Variants in ADGRB1 observed in about 807,000 individuals in gnomAD.
ADGRB1 encodes adhesion G protein-coupled receptor B1, also known as brain-specific angiogenesis inhibitor 1.
Under a neutral mutation model 175.7 loss-of-function variants are expected in ADGRB1, and 36 were observed. The observed-to-expected ratio is 0.20, with a 90% CI of 0.16 to 0.27. The LOEUF (loss-of-function observed/expected upper bound fraction) is 0.27. ADGRB1 is among the 10% of genes least tolerant of loss of function. ADGRB1 has a pLI of 1.00. For missense variants in ADGRB1, 1,731 were observed against 2,255.3 expected, an observed-to-expected ratio of 0.77 and a Z score of 4.71; for synonymous variants, 1,054 against 979.4, an observed-to-expected ratio of 1.08 and a Z score of -1.42.
intron 18 of ADGRB1, among the ~76,000 whole-genome samples, chr8:142,515,273 C>T (rs1178461858): frequency 6.6e-6 from 1 of 152,222 alleles, no homozygotes; most frequent in Admixed American, 6.5e-5. Context: ...GGCAGGGGCC[C>T]GGCCTGGCTC....
rs1336142153 is a variant in ADGRB1, at chr8:142,490,814, G to A, written c.2674G>A (p.Val892Ile). 6.3e-7 allele frequency: 1 copy of A among 1,582,308 alleles called. No individual in the cohort carries two copies. The highest frequency in any genetic ancestry group is 8.6e-7 in the Non-Finnish European group (1 of 1,163,846). Residue 892 changes from valine (V) to isoleucine (I), a missense_variant and splice_region_variant, in exon 17 of 31, where the codon GTA (valine) becomes ATA (isoleucine). Transcript: ENST00000517894. The stretch of plus-strand genomic sequence containing the variant: ...CTGTATCCTGTGGGATGAGACGGAT[G>A]TGTAAGTTCACTTGGATTTCATGGC... ...QTCILWDETD[V>I]PSSSAPPQLG... is the part of the protein sequence containing the mutation.
In ADGRB1 at chr8:142,537,149, GC is replaced by G; in HGVS notation, c.3666+70del. On this transcript the variant is annotated intron_variant, in intron 26 of 30. Transcript: ENST00000517894. The surrounding 1 kb of genome is among the most constrained non-coding windows in gnomAD (Gnocchi z 4.6). The stretch of plus-strand genomic sequence containing the variant: ...TCGTACCCCCGCCAAGTGCCTCCAG[GC>G]CCTCACCGTGCCCCAAGCTCCCCTA... The G allele has an allele frequency of 7.9e-7, 1 of 1,263,236 alleles. No homozygotes were observed. Among genetic ancestry groups the G allele is most frequent in the Non-Finnish European group, 1.0e-6 (1 of 959,734 alleles). 78.3% of individuals were successfully genotyped at this position (1,263,236 alleles called of 1,614,324 possible).
chr8:142,483,393 C>T (rs1345514887), intron 11 of ADGRB1, among the ~76,000 whole-genome samples: 1 of 142,454 alleles, frequency 7.0e-6, no homozygotes, highest in East Asian at 2.1e-4. Context: ...TGGTCACACC[C>T]TGAGCCCTGA....
At chr8:142,472,555 G>A (rs905378041) in intron 2 of ADGRB1, among the ~76,000 whole-genome samples, 5 of 152,202 alleles carry the variant, frequency 3.3e-5, no homozygotes, top group African/African-American at 1.2e-4. Context: ...GACCCCAGGG[G>A]CTCCATCCTG....
chr8:142,475,420 C>T (rs1001009879), intron 2 of ADGRB1, 54 bp from the exon 3 acceptor site: 6 of 1,250,768 alleles, frequency 4.8e-6, no homozygotes, highest in Admixed American at 3.8e-5. Context: ...ACTTACCCGT[C>T]CAGGCCACGA....
chr8:142,513,448 G>T (rs1222292836), intron 18 of ADGRB1, among the ~76,000 whole-genome samples: 1 of 152,212 alleles, frequency 6.6e-6, no homozygotes, highest in Admixed American at 6.5e-5. Flanking sequence ...GCAAGGGCTG[G>T]CCCCCTTGAT....
chr8:142,478,449 C>T, intron 7 of ADGRB1, 89 bp downstream of exon 7: 47 of 1,387,550 alleles, frequency 3.4e-5, no homozygotes, highest in Non-Finnish European at 4.4e-5. Flanking sequence ...GTGGGGGTAA[C>T]CATGGGCCCC....
chr8:142,529,282 GTGAGTGTACA>G (rs1563744862), intron 24 of ADGRB1, among the ~76,000 whole-genome samples: 1 of 152,130 alleles, frequency 6.6e-6, no homozygotes, highest in African/African-American at 2.4e-5. Flanking sequence ...GTGTGCATAT[GTGAGTGTACA>G]TGAGTGTGCA....
Position 142,464,107 on chromosome 8 carries a change from C to T in ADGRB1, c.-92C>T. 1 of 1,120,472 alleles carries T rather than the reference C, an allele frequency of 8.9e-7. No homozygotes were observed. Among genetic ancestry groups the T allele is most frequent in the Non-Finnish European group, 1.1e-6 (1 of 894,334 alleles). 69.4% of individuals were successfully genotyped at this position (1,120,472 alleles called of 1,614,324 possible). On this transcript the variant is annotated 5_prime_UTR_variant, in exon 2 of 31. Transcript: ENST00000517894. ...CCCCGCCTCCCTGCCCCCACCGGGC[C>T]GGCCCTGCCCGCCGCCGGACCCTGG...
chr8:142,521,044 A>G, intron 20 of ADGRB1, 119 bp downstream of exon 20: 1 of 949,740 alleles, frequency 1.1e-6, no homozygotes, highest in Non-Finnish European at 1.6e-6. Flanking sequence ...GTGTGGGGGC[A>G]GGAGGAGGCT....
intron 25 of ADGRB1, among the ~76,000 whole-genome samples, chr8:142,533,753 C>A (rs532890161): frequency 6.6e-6 from 1 of 152,176 alleles, no homozygotes; most frequent in African/African-American, 2.4e-5. Flanking sequence ...GGCCCCCATC[C>A]TCAAGGGGCC....
chr8:142,513,621 G>A (rs372550117), intron 18 of ADGRB1, among the ~76,000 whole-genome samples: 36 of 152,272 alleles, frequency 2.4e-4, no homozygotes, highest in East Asian at 1.5e-3. Context: ...GTCTGCAGCC[G>A]CCCAGGTGGA....
At chr8:142,482,416 C>G (rs1253088721) in intron 11 of ADGRB1, among the ~76,000 whole-genome samples, 2 of 138,258 alleles carry the variant, frequency 1.4e-5, no homozygotes, top group Non-Finnish European at 3.1e-5. Flanking sequence ...CACTGGTCAC[C>G]CACTGAACCC....
Position 142,479,434 on chromosome 8 carries a change from C to T in ADGRB1, c.1673C>T (p.Ala558Val). The T allele has an allele frequency of 6.5e-7, 1 of 1,548,692 alleles. No homozygotes were observed. Among genetic ancestry groups the T allele is most frequent in the Non-Finnish European group, 8.7e-7 (1 of 1,152,890 alleles). Residue 558 changes from alanine (A) to valine (V), a missense_variant, in exon 8 of 31, where the codon GCC becomes GTC. Transcript: ENST00000517894. Reference sequence around the variant, plus strand: ...TCTGGGCCCTTCTTCGGGGGAGCAGCCTGCCAGGGCCCCCAGGATGAGTAC... The same window carrying T: ...TCTGGGCCCTTCTTCGGGGGAGCAGTCTGCCAGGGCCCCCAGGATGAGTAC... ...VCSGPFFGGAACQGPQDEYRQ... is the reference protein window; with the variant it reads ...VCSGPFFGGAVCQGPQDEYRQ...
chr8:142,454,861 CT>C (rs1403711171), intron 1 of ADGRB1, among the ~76,000 whole-genome samples: 1 of 152,150 alleles, frequency 6.6e-6, no homozygotes, highest in Non-Finnish European at 1.5e-5. Context: ...AAGGACTAGC[CT>C]CCTTCCTCCA....
chr8:142,484,546 A>G, intron 12 of ADGRB1, 110 bp from the exon 13 acceptor site: 1 of 1,165,548 alleles, frequency 8.6e-7, no homozygotes, highest in Non-Finnish European at 1.2e-6. Flanking sequence ...CACTTCCTCA[A>G]AATGTTAGGA....
intron 17 of ADGRB1, among the ~76,000 whole-genome samples, chr8:142,498,929 C>T (rs77536328): frequency 0.013 from 1,954 of 152,306 alleles, 46 homozygotes; most frequent in African/African-American, 0.045. Context: ...GACCTCTGTG[C>T]CACTGCCTCC....
rs1235264978 is a variant in ADGRB1 at position 142,474,415 on chromosome 8, TC to T, written c.785-1057del. 1.3e-5 allele frequency among the ~76,000 whole-genome samples: 2 copies of T among 152,112 alleles called. No homozygotes were observed. The highest frequency in any genetic ancestry group is 2.9e-5 in the Non-Finnish European group (2 of 68,002). On this transcript the variant is annotated intron_variant, in intron 2 of 30. Transcript: ENST00000517894. The surrounding 1 kb of genome is among the most constrained non-coding windows in gnomAD (Gnocchi z 5.8). ...CACTTGGCAAGGGCTGCATGCCCTT[TC>T]CAAGTCGCCCGACCCTGCTGCACAG...
Position 142,510,849 on chromosome 8 carries a change from C to G in ADGRB1, c.2676-83C>G, listed in dbSNP as rs1325439017. 3 of 766,646 alleles carry G rather than the reference C, an allele frequency of 3.9e-6. No individual in the cohort carries two copies. The highest frequency in any genetic ancestry group is 1.9e-5 in the African/African-American group (1 of 51,924). 47.5% of individuals were successfully genotyped at this position (766,646 alleles called of 1,614,324 possible). A position where few individuals can be genotyped will look rare whatever the true frequency, so the allele number is the denominator to read the frequency against. ...CGGGGCCGGGGCCGGGGCGCGGAGC[C>G]GCCGCTCGGGGGCCGGGGCGCCCGC... On this transcript the variant is annotated intron_variant, in intron 17 of 30. Coordinates refer to ENST00000517894, the MANE Select transcript of ADGRB1 (RefSeq NM_001702.3). This position sits in a 1 kb window ranked among gnomAD's most constrained non-coding sequence, Gnocchi z 6.3.
Sources: gnomAD v4.1 joint callset for allele counts (sites outside exome capture counted in the v4.1 genomes callset) on GRCh38, gnomAD v4.1.1 for gene constraint, Gnocchi (gnomAD v3.1) non-coding constraint, MANE v1.5 for transcripts, NCBI Gene and HGNC (gene_info 2026-07-23, HGNC 2026-07-21) for gene names.